The following GC variants were observed in gnomAD, a reference collection of about 807,000 sequenced individuals.
GC encodes GC vitamin D binding protein.
Under a neutral mutation model 56.7 loss-of-function variants are expected in GC, and 43 were observed. The ratio of observed to expected loss-of-function variants is 0.76; its 90% CI spans 0.59 to 0.98. The LOEUF (loss-of-function observed/expected upper bound fraction) is 0.98, where lower values mean the gene tolerates loss of function less well. Ranked by LOEUF, GC falls within the 50% of genes least tolerant of loss-of-function variation. The pLI, the probability that GC is intolerant of heterozygous loss-of-function variation, is 0.00. For missense variants in GC, 529 were observed against 545.9 expected (o/e 0.97, Z 0.31); for synonymous variants, 216 against 202.7 (o/e 1.07, Z -0.56).
intron 1 of GC, among the ~76,000 whole-genome samples, chr4:71,779,560 T>C (rs964033902): frequency 4.0e-5 from 6 of 151,442 alleles, no homozygotes; most frequent in African/African-American, 1.5e-4. Context: ...ATGAGAAAAA[T>C]AGGAGAGAGA....
chr4:71,795,473 T>A (rs1743074965), intron 1 of GC, among the ~76,000 whole-genome samples: 1 of 152,224 alleles, frequency 6.6e-6, no homozygotes, highest in Non-Finnish European at 1.5e-5. Context: ...GAGACTCCGA[T>A]TGCAACCCCT....
chr4:71,763,677 A>G (rs1742059284), intron 5 of GC, 127 bp downstream of exon 5: 2 of 821,106 alleles, frequency 2.4e-6, no homozygotes, highest in Middle Eastern at 2.5e-4. Flanking sequence ...TTTTCCAATT[A>G]AGAAGATGCA....
chr4:71,743,633 G>GA (rs1228852184), intron 12 of GC, among the ~76,000 whole-genome samples: 2 of 152,166 alleles, frequency 1.3e-5, no homozygotes, highest in Non-Finnish European at 2.9e-5. Flanking sequence ...TTGTGTTCTG[G>GA]AAACCTAAGA....
intron 11 of GC, among the ~76,000 whole-genome samples, chr4:71,746,457 G>A (rs1192227033): frequency 6.6e-6 from 1 of 151,850 alleles, no homozygotes; most frequent in African/African-American, 2.4e-5. Flanking sequence ...AGTTTAATAA[G>A]TGCTAATTAT....
intron 1 of GC, among the ~76,000 whole-genome samples, chr4:71,783,043 T>C (rs1009014173): frequency 3.3e-5 from 5 of 151,666 alleles, no homozygotes; most frequent in African/African-American, 9.7e-5. Flanking sequence ...AAGTCAAGAG[T>C]AAGGTTATTC....
Position 71,752,650 on chromosome 4 carries a change from T to A in GC, c.1263A>T (p.Lys421Asn), listed in dbSNP as rs1232676024. The A allele has an allele frequency of 3.1e-6, 5 of 1,612,156 alleles. No individual in the cohort carries two copies. Among genetic ancestry groups the A allele is most frequent in the Non-Finnish European group, 4.2e-6 (5 of 1,178,582 alleles). The change falls in exon 11 of 13, where the codon AAA (lysine) becomes AAT (asparagine). Residue 421 changes from lysine to asparagine, a missense_variant and splice_region_variant. Physicochemically the swap from Lys to Asn is moderately conservative, Grantham distance 94. Coordinates refer to ENST00000273951, the MANE Select transcript of GC (RefSeq NM_000583.4). ...SENTFTEYKK[K>N]LAERLKAKLP... The stretch of plus-strand genomic sequence containing the variant: ...ATTTTGCTTTTAGTCGCTCTGCCAG[T>A]CTGAAAAACCATTTAAATGTAAGGT...
upstream of GC, among the ~76,000 whole-genome samples, chr4:71,785,312 G>A (rs1384369978): frequency 6.6e-6 from 1 of 151,628 alleles, no homozygotes; most frequent in Non-Finnish European, 1.5e-5. Context: ...TAATATCTGT[G>A]AAGGTCAATG....
intron 1 of GC, among the ~76,000 whole-genome samples, chr4:71,798,582 C>T (rs1743169655): frequency 6.6e-6 from 1 of 152,088 alleles, no homozygotes; most frequent in South Asian, 2.1e-4. Flanking sequence ...AAAATGGTTC[C>T]CAAGCACCTC....
At chr4:71,771,369 C>A (rs1219482256) in intron 1 of GC, among the ~76,000 whole-genome samples, 1 of 151,714 alleles carries the variant, frequency 6.6e-6, no homozygotes, top group African/African-American at 2.4e-5. Flanking sequence ...TAGGACTCAT[C>A]AGATTAATGT....
Position 71,749,493 on chromosome 4 carries a change from G to A in GC, c.1395+3025C>T, listed in dbSNP as rs186457974. Among the ~76,000 whole-genome samples, 20 of 152,252 alleles carry A rather than the reference G, an allele frequency of 1.3e-4. No individual in the cohort carries two copies. In the East Asian group the frequency reaches 3.5e-3, roughly 26 times the overall value. The stretch of plus-strand genomic sequence containing the variant: ...GGTTTCAAAAGTGATATTTCTTATA[G>A]AATCTAAAAGACATTTAGACTGTTT... On this transcript the variant is annotated intron_variant, in intron 11 of 12. Coordinates refer to ENST00000273951, the MANE Select transcript of GC (RefSeq NM_000583.4).
At chr4:71,802,955 C>T (rs982283229) in intron 1 of GC, among the ~76,000 whole-genome samples, 3 of 149,034 alleles carry the variant, frequency 2.0e-5, no homozygotes, top group African/African-American at 7.4e-5. Context: ...AGCTTTCACA[C>T]CATCACAGTC....
chr4:71,760,459 CA>C, intron 6 of GC, among the ~76,000 whole-genome samples: 1 of 151,990 alleles, frequency 6.6e-6, no homozygotes, highest in South Asian at 2.1e-4. Context: ...TAGAAGGAAT[CA>C]AAGAGACTGT....
chr4:71,757,593 T>C (rs980248397), intron 7 of GC, among the ~76,000 whole-genome samples: 1 of 73,014 alleles, frequency 1.4e-5, no homozygotes, highest in African/African-American at 3.1e-5. Context: ...AATGGAACTT[T>C]ACGCAATAAT....
intron 1 of GC, among the ~76,000 whole-genome samples, chr4:71,777,775 T>TA (rs1161195179): frequency 2.0e-5 from 3 of 151,228 alleles, no homozygotes; most frequent in Admixed American, 1.3e-4. Context: ...TTTTAATAGA[T>TA]AAAAAAATCA....
At chr4:71,760,074 G>A (rs1438466631) in intron 6 of GC, among the ~76,000 whole-genome samples, 23 of 141,180 alleles carry the variant, frequency 1.6e-4, no homozygotes, top group Non-Finnish European at 2.6e-4. Context: ...ACGGAGTCTC[G>A]CTCTGTCGCC....
chr4:71,804,866 A>G (rs1249543466), upstream of GC, among the ~76,000 whole-genome samples: 1 of 150,886 alleles, frequency 6.6e-6, no homozygotes, highest in African/African-American at 2.4e-5. Flanking sequence ...GGGTCAGGAA[A>G]AACCTCTGTT....
At chr4:71,782,764 A>G (rs1340339850) in intron 1 of GC, among the ~76,000 whole-genome samples, 1 of 151,836 alleles carries the variant, frequency 6.6e-6, no homozygotes. Flanking sequence ...AACCTGCTTC[A>G]GTAGGATTTT....
At chr4:71,802,974 G>T (rs1200054038) in intron 1 of GC, among the ~76,000 whole-genome samples, 3 of 104,444 alleles carry the variant, frequency 2.9e-5, no homozygotes, top group Admixed American at 1.2e-4. Context: ...TCAAAAAATT[G>T]TAAGTCAAAC....
At chr4:71,804,854 G>A (rs979444171), upstream of GC, among the ~76,000 whole-genome samples, 2 of 150,564 alleles carry the variant, frequency 1.3e-5, no homozygotes, top group African/African-American at 4.9e-5. Flanking sequence ...ACTGGGGGAG[G>A]GGGGTCAGGA....
Sources: allele counts gnomAD v4.1 joint callset (sites outside exome capture counted in the v4.1 genomes callset), GRCh38; gene constraint gnomAD v4.1.1; transcripts MANE v1.5; gene names NCBI Gene and HGNC (gene_info 2026-07-23, HGNC 2026-07-21).